IQCM: variants seen among roughly 807,000 people sequenced by gnomAD.
IQCM encodes the protein IQ domain-containing protein M.
Under a neutral mutation model 57.6 loss-of-function variants are expected in IQCM, and 45 were observed. That is an observed-to-expected ratio of 0.78 (90% CI 0.62 to 1.00). The LOEUF is 1.00. Among genes scored for constraint, IQCM ranks in the 50% least tolerant of loss-of-function variants. IQCM has a pLI of 0.00. For synonymous variants in IQCM, 148 were observed against 158.9 expected (o/e 0.93, Z 0.51); for missense variants, 468 against 511.6 (o/e 0.91, Z 0.82).
At chr4:149,526,075 G>A (rs947332089) in intron 12 of IQCM, among the ~76,000 whole-genome samples, 1 of 151,822 alleles carries the variant, frequency 6.6e-6, no homozygotes, top group Non-Finnish European at 1.5e-5. Context: ...GAAATAAAAA[G>A]ATGTGCTCAA....
chr4:149,469,997 C>T (rs1246165416), intron 12 of IQCM, among the ~76,000 whole-genome samples: 1 of 152,148 alleles, frequency 6.6e-6, no homozygotes, highest in Admixed American at 6.5e-5. Context: ...AAGGAACAAC[C>T]AGTACCAGCC....
At chr4:149,560,506 G>A (rs1202868251) in intron 10 of IQCM, among the ~76,000 whole-genome samples, 3 of 151,968 alleles carry the variant, frequency 2.0e-5, no homozygotes, top group Non-Finnish European at 2.9e-5. Flanking sequence ...GCATTACATC[G>A]AGGGACATAC....
chr4:149,689,706 T>C (rs376170729), intron 5 of IQCM, among the ~76,000 whole-genome samples: 1 of 152,088 alleles, frequency 6.6e-6, no homozygotes, highest in Non-Finnish European at 1.5e-5. Flanking sequence ...ATCCAGAATC[T>C]GCAACAAACT....
intron 12 of IQCM, among the ~76,000 whole-genome samples, chr4:149,537,441 T>C (rs894479354): frequency 1.8e-4 from 28 of 151,608 alleles, no homozygotes; most frequent in African/African-American, 6.8e-4. Flanking sequence ...GAAAGAAAGA[T>C]GTAAAAATAA....
intron 8 of IQCM, among the ~76,000 whole-genome samples, chr4:149,618,877 G>A (rs992926648): frequency 3.9e-5 from 6 of 152,032 alleles, no homozygotes; most frequent in Non-Finnish European, 5.9e-5. Context: ...TATACAGTTA[G>A]TGGAAATATA....
chr4:149,473,036 G>A (rs1314479012), intron 12 of IQCM, among the ~76,000 whole-genome samples: 6 of 152,112 alleles, frequency 3.9e-5, no homozygotes, highest in Admixed American at 6.6e-5. Context: ...GAAAACCTAC[G>A]CAATACCATT....
intron 8 of IQCM, among the ~76,000 whole-genome samples, chr4:149,601,976 C>T (rs1371419682): frequency 1.3e-5 from 2 of 149,896 alleles, no homozygotes; most frequent in Non-Finnish European, 3.0e-5. Context: ...ATGGCGTGAA[C>T]CCGGGAGGCG....
intron 8 of IQCM, among the ~76,000 whole-genome samples, chr4:149,600,225 G>A (rs1030365737): frequency 6.6e-6 from 1 of 152,136 alleles, no homozygotes. Context: ...GCATCACAGA[G>A]CTAATAAAAA....
intron 9 of IQCM, among the ~76,000 whole-genome samples, chr4:149,578,685 C>T (rs559424645): frequency 5.3e-5 from 8 of 151,776 alleles, no homozygotes; most frequent in Non-Finnish European, 7.4e-5. Flanking sequence ...GATTATAGGG[C>T]TCCAGAAAAT....
chr4:149,354,038 CT>C lies in IQCM; in HGVS notation c.1391-1973del, dbSNP rs560845871. 3.2e-4 allele frequency among the ~76,000 whole-genome samples: 49 copies of C among 152,252 alleles called. 1 individual carries two copies. In the South Asian group the frequency reaches 1.0e-2, roughly 31 times the overall value. On this transcript the variant is annotated intron_variant, in intron 13 of 13. Transcript: ENST00000636793. ...GTATCCCATTACATCATGTTGCTTA[CT>C]TTAAACATACAAAATAAAACTTATT...
At chr4:149,412,119 T>G (rs1049587733) in intron 13 of IQCM, among the ~76,000 whole-genome samples, 1 of 151,830 alleles carries the variant, frequency 6.6e-6, no homozygotes, top group African/African-American at 2.4e-5. Context: ...CTTCCCACAC[T>G]TGCTCACCTT....
chr4:149,726,325 C>T (rs979387854), intron 5 of IQCM, among the ~76,000 whole-genome samples: 2 of 152,136 alleles, frequency 1.3e-5, no homozygotes, highest in African/African-American at 4.8e-5. Flanking sequence ...AGTAATCTCA[C>T]CACCTGCTCT....
chr4:149,764,453 T>C (rs1157133018), intron 2 of IQCM, among the ~76,000 whole-genome samples: 1 of 152,144 alleles, frequency 6.6e-6, no homozygotes, highest in Non-Finnish European at 1.5e-5. Context: ...CTTTTGTCGC[T>C]GTGCAGCTCC....
In IQCM at chr4:149,504,704, A is replaced by C. The variant is rs376450446; in HGVS notation, c.1228+43751T>G. On this transcript the variant is annotated intron_variant, in intron 12 of 13. Coordinates refer to ENST00000636793, the MANE Select transcript of IQCM (RefSeq NM_001363507.2). Reference sequence around the variant, plus strand: ...CGAGGCAGGTGGCTCACTTGAGGCCAGGAGTTCAAGACCAGCCTGGCCAAT... The same window carrying C: ...CGAGGCAGGTGGCTCACTTGAGGCCCGGAGTTCAAGACCAGCCTGGCCAAT... Among the ~76,000 whole-genome samples the C allele has an allele frequency of 3.7e-3, 567 of 152,296 alleles. 2 individuals are homozygous for C. Among genetic ancestry groups the C allele is most frequent in the African/African-American group, 0.013 (529 of 41,564 alleles).
intron 2 of IQCM, chr4:149,790,070 G>GCT (rs1772447435): frequency 1.7e-6 from 1 of 581,704 alleles, no homozygotes; most frequent in East Asian, 3.4e-5. Flanking sequence ...AGCTTCACCA[G>GCT]GAACTTCATC....
chr4:149,394,055 T>C (rs1331119674), intron 13 of IQCM, among the ~76,000 whole-genome samples: 1 of 152,050 alleles, frequency 6.6e-6, no homozygotes, highest in Non-Finnish European at 1.5e-5. Flanking sequence ...TGTGTTCTCA[T>C]AGTCAGTATT....
intron 13 of IQCM, among the ~76,000 whole-genome samples, chr4:149,367,561 C>CT (rs1211994876): frequency 5.3e-5 from 8 of 152,074 alleles, no homozygotes; most frequent in Admixed American, 2.6e-4. Flanking sequence ...TAATATTCCT[C>CT]TACTGATTAA....
intron 5 of IQCM, among the ~76,000 whole-genome samples, chr4:149,712,359 C>CAT (rs1198654288): frequency 1.3e-5 from 2 of 151,740 alleles, no homozygotes; most frequent in African/African-American, 4.9e-5. Context: ...CACACACACA[C>CAT]ACACACACAC....
chr4:149,798,763 G>A (rs527713168), intron 2 of IQCM, among the ~76,000 whole-genome samples: 1 of 151,924 alleles, frequency 6.6e-6, no homozygotes, highest in Admixed American at 6.6e-5. Context: ...ACTATATAAC[G>A]ATGAAGGTGT....
Sources: gnomAD v4.1 joint callset for allele counts (sites outside exome capture counted in the v4.1 genomes callset) on GRCh38, gnomAD v4.1.1 for gene constraint, MANE v1.5 for transcripts, NCBI Gene and HGNC (gene_info 2026-07-23, HGNC 2026-07-21) for gene names.